Variants in POLR2H observed in about 807,000 individuals in gnomAD.
POLR2H encodes RNA polymerase II, I and III subunit H, also known as DNA-directed RNA polymerases I, II, and III subunit RPABC3.
Under a neutral mutation model 18.1 loss-of-function variants are expected in POLR2H, and 3 were observed. The ratio of observed to expected loss-of-function variants is 0.17; its 90% CI spans 0.08 to 0.43. The LOEUF (loss-of-function observed/expected upper bound fraction) is 0.43. Ranked by LOEUF, POLR2H falls within the 20% of genes least tolerant of loss-of-function variation. The pLI is 0.99. For missense variants in POLR2H, 103 were observed against 184.6 expected, an observed-to-expected ratio of 0.56 and a Z score of 2.56; for synonymous variants, 76 against 69.0, an observed-to-expected ratio of 1.10 and a Z score of -0.50.
In POLR2H at chr3:184,361,923, G is replaced by C. The variant is rs1712201712; in HGVS notation, c.-844G>C. 1 of 152,716 alleles carries C rather than the reference G, an allele frequency of 6.5e-6. No homozygotes were observed. The highest frequency in any genetic ancestry group is 2.4e-5 in the African/African-American group (1 of 41,488). The allele number at this position is 152,716 out of a possible 1,614,324, so 9.5% of individuals were successfully genotyped here. On this transcript the variant is annotated 5_prime_UTR_variant, in exon 1 of 6. Coordinates refer to ENST00000456318, the MANE Select transcript of POLR2H (RefSeq NM_006232.5). The surrounding 1 kb of genome is among the most constrained non-coding windows in gnomAD (Gnocchi z 6.6). ...GGCAGGAGGGGCTGCAGACGCCTGA[G>C]CTCCGTAGGGGTTGGGGCTGGGGGC...
chr3:184,363,973 C>T (rs1254370432), intron 2 of POLR2H, among the ~76,000 whole-genome samples: 1 of 152,108 alleles, frequency 6.6e-6, no homozygotes, highest in Non-Finnish European at 1.5e-5. Flanking sequence ...ATTGCCTGAA[C>T]CTGGGAGGCG....
chr3:184,364,908 C>A, intron 2 of POLR2H, 58 bp from the exon 3 acceptor site: 1 of 1,145,228 alleles, frequency 8.7e-7, no homozygotes, highest in Non-Finnish European at 1.3e-6. Flanking sequence ...CATACAATCC[C>A]ACACTGTAGG....
At chr3:184,366,860 A>G in intron 5 of POLR2H, 60 bp downstream of exon 5, 1 of 1,012,742 alleles carries the variant, frequency 9.9e-7, no homozygotes, top group South Asian at 1.3e-5. Flanking sequence ...ACTTTGAGCT[A>G]TGCTCCTGCT....
intron 4 of POLR2H, among the ~76,000 whole-genome samples, chr3:184,365,843 G>T (rs928625521): frequency 1.3e-5 from 2 of 150,080 alleles, no homozygotes; most frequent in African/African-American, 4.9e-5. Flanking sequence ...GGGCGTAGTG[G>T]CGGGCGCCTG....
At chr3:184,366,283 A>T (rs1379642617) in intron 4 of POLR2H, among the ~76,000 whole-genome samples, 6 of 151,982 alleles carry the variant, frequency 3.9e-5, no homozygotes, top group Admixed American at 1.3e-4. Flanking sequence ...ACTAAATGAC[A>T]TCATGTTTGT....
chr3:184,364,898 C>A (rs746731707), intron 2 of POLR2H, 68 bp from the exon 3 acceptor site: 2 of 1,011,652 alleles, frequency 2.0e-6, no homozygotes, highest in Non-Finnish European at 3.1e-6. Flanking sequence ...TATCCTGTTG[C>A]ATACAATCCC....
chr3:184,364,643 C>T (rs1269241699), intron 2 of POLR2H: 2 of 371,380 alleles, frequency 5.4e-6, no homozygotes, highest in African/African-American at 2.1e-5. Context: ...TGGTCACTCC[C>T]CTCAGCACAG....
chr3:184,367,844 A>G (rs918302128), intron 5 of POLR2H, among the ~76,000 whole-genome samples: 7 of 152,130 alleles, frequency 4.6e-5, no homozygotes, highest in Admixed American at 3.9e-4. Context: ...CAGTAAGTGG[A>G]TATGTCTTGA....
Position 184,364,949 on chromosome 3 carries a change from T to C in POLR2H, c.74-17T>C, listed in dbSNP as rs1008328389. The C allele has an allele frequency of 1.9e-6, 3 of 1,580,090 alleles. No individual in the cohort carries two copies. Among genetic ancestry groups the C allele is most frequent in the Middle Eastern group, 1.7e-4 (1 of 5,996 alleles). ...CCTTGGCAATACCTCTGTCACTCTT[T>C]TCCTGCTTCTCCCCAGTGTCTCGAC... On this transcript the variant is annotated splice_polypyrimidine_tract_variant and intron_variant, in intron 2 of 5. Transcript: ENST00000456318.
In POLR2H at chr3:184,363,395, T is replaced by C. The variant is rs183745395; in HGVS notation, c.-98T>C. ...TGGCCGCCGCGCTTTCAGGAGGTGC[T>C]TTTGGTTCTCTCCGGTCTTGTCCAC... On this transcript the variant is annotated 5_prime_UTR_variant, in exon 2 of 6. Transcript: ENST00000456318. The C allele has an allele frequency of 4.9e-6, 5 of 1,029,304 alleles. No individual in the cohort carries two copies. The highest frequency in any genetic ancestry group is 3.1e-5 in the African/African-American group (2 of 64,118). 63.8% of individuals were successfully genotyped at this position (1,029,304 alleles called of 1,614,324 possible). A position where few individuals can be genotyped will look rare whatever the true frequency, so the allele number is the denominator to read the frequency against.
chr3:184,365,216 A>G lies in POLR2H; in HGVS notation c.241A>G (p.Arg81Gly). The G allele has an allele frequency of 3.1e-6, 5 of 1,597,498 alleles. No homozygotes were observed. Among genetic ancestry groups the G allele is most frequent in the South Asian group, 2.2e-5 (2 of 90,718 alleles). The change falls in exon 4 of 6, where the codon AGG (arginine) becomes GGG (glycine). Residue 81 changes from arginine (R) to glycine (G), a missense_variant. Transcript: ENST00000456318. ...TGGTGAATACAACCCCACTGATGAT[A>G]GGCCTTCCAGGTGAGGGAGTGGAGA... ...DDGEYNPTDD[R>G]PSRADQFEYV...
chr3:184,368,438 A>G lies in POLR2H; in HGVS notation c.*144A>G, dbSNP rs1018155294. The stretch of plus-strand genomic sequence containing the variant: ...CGGCATCTTTAACTGGCCTCCACTC[A>G]ATGGGAAACTGACTCGCCTGTGAAA... On this transcript the variant is annotated 3_prime_UTR_variant, in exon 6 of 6. Coordinates refer to ENST00000456318, the MANE Select transcript of POLR2H (RefSeq NM_006232.5). 1.7e-5 allele frequency: 10 copies of G among 571,670 alleles called. No individual in the cohort carries two copies. The highest frequency in any genetic ancestry group is 3.0e-5 in the Non-Finnish European group (10 of 331,868). The allele number at this position is 571,670 out of a possible 1,614,324, so 35.4% of individuals were successfully genotyped here.
Position 184,362,883 on chromosome 3 carries a change from G to A in POLR2H, c.-610G>A. The A allele has an allele frequency of 6.3e-6, 1 of 157,690 alleles. No individual in the cohort carries two copies. The highest frequency in any genetic ancestry group is 2.4e-5 in the African/African-American group (1 of 41,576). 9.8% of individuals were successfully genotyped at this position (157,690 alleles called of 1,614,324 possible). On this transcript the variant is annotated 5_prime_UTR_variant, in exon 2 of 6. Coordinates refer to ENST00000456318, the MANE Select transcript of POLR2H (RefSeq NM_006232.5). The surrounding 1 kb of genome is among the most constrained non-coding windows in gnomAD (Gnocchi z 5.9). ...TCCTCTTCTCCATAGCGACGTCATG[G>A]CAAATTCCCAAACTGGACGGATCCG...
chr3:184,363,479 G>C lies in POLR2H; in HGVS notation c.-14G>C, dbSNP rs372007403. ...CGCTCTCACCCCTTCTGCTGCTCTC[G>C]TGGCCCCCTCGCGATGGCGGGCATC... On this transcript the variant is annotated 5_prime_UTR_variant, in exon 2 of 6. Coordinates refer to ENST00000456318, the MANE Select transcript of POLR2H (RefSeq NM_006232.5). The C allele has an allele frequency of 1.2e-6, 2 of 1,612,370 alleles. No individual in the cohort carries two copies. Among genetic ancestry groups the C allele is most frequent in the Admixed American group, 1.7e-5 (1 of 60,008 alleles).
Position 184,363,420 on chromosome 3 carries a change from C to T in POLR2H, c.-73C>T, listed in dbSNP as rs1449772996. The T allele has an allele frequency of 2.3e-6, 3 of 1,278,246 alleles. No individual in the cohort carries two copies. The highest frequency in any genetic ancestry group is 2.9e-5 in the African/African-American group (2 of 68,610). 79.2% of individuals were successfully genotyped at this position (1,278,246 alleles called of 1,614,324 possible). ...TTTTGGTTCTCTCCGGTCTTGTCCACGCTAGGGGGTGCACGTACTCCCAAC... is the reference window on the plus strand; with the variant it reads ...TTTTGGTTCTCTCCGGTCTTGTCCATGCTAGGGGGTGCACGTACTCCCAAC... On this transcript the variant is annotated 5_prime_UTR_variant, in exon 2 of 6. It adds an upstream start codon to the 5' untranslated region. Transcript: ENST00000456318.
chr3:184,364,883 T>C (rs1406244902), intron 2 of POLR2H, 83 bp from the exon 3 acceptor site: 6 of 887,578 alleles, frequency 6.8e-6, no homozygotes, highest in Non-Finnish European at 9.4e-6. Flanking sequence ...CTGGGTTAGA[T>C]TGAGTATCCT....
At position 184,365,202 on chromosome 3, in the gene POLR2H, A is replaced by T. The variant is rs1457060415; in HGVS notation, c.227A>T (p.Asn76Ile). The change falls in exon 4 of 6, where the codon AAC becomes ATC. Residue 76 changes from asparagine (N) to isoleucine (I), a missense_variant. By Grantham distance (149) the Asn-to-Ile change is moderately radical (BLOSUM62 -3). Coordinates refer to ENST00000456318, the MANE Select transcript of POLR2H (RefSeq NM_006232.5). ...EDGTLDDGEY[N>I]PTDDRPSRAD... ...GGTACCCTGGATGATGGTGAATACAACCCCACTGATGATAGGCCTTCCAGG... is the reference window on the plus strand; with the variant it reads ...GGTACCCTGGATGATGGTGAATACATCCCCACTGATGATAGGCCTTCCAGG... The T allele has an allele frequency of 6.2e-7, 1 of 1,611,980 alleles. No individual in the cohort carries two copies. Among genetic ancestry groups the T allele is most frequent in the African/African-American group, 1.3e-5 (1 of 74,962 alleles).
intron 5 of POLR2H, 108 bp downstream of exon 5, chr3:184,366,908 G>A (rs1028004718): frequency 1.3e-5 from 9 of 708,604 alleles, no homozygotes; most frequent in Admixed American, 6.3e-5. Context: ...ACCTCAGACC[G>A]AGGTGGGAAC....
intron 4 of POLR2H, 69 bp downstream of exon 4, chr3:184,365,295 ACT>A: frequency 1.1e-6 from 1 of 934,966 alleles, no homozygotes; most frequent in South Asian, 1.3e-5. Context: ...ATATAGAAAG[ACT>A]CTTCTAAAAT....
Sources: gnomAD v4.1 joint callset for allele counts (sites outside exome capture counted in the v4.1 genomes callset) on GRCh38, gnomAD v4.1.1 for gene constraint, Gnocchi (gnomAD v3.1) non-coding constraint, MANE v1.5 for transcripts, NCBI Gene and HGNC (gene_info 2026-07-23, HGNC 2026-07-21) for gene names.